The following STKLD1 variants were observed in gnomAD, a reference collection of about 807,000 sequenced individuals.
STKLD1 encodes the protein serine/threonine kinase-like domain-containing protein STKLD1.
STKLD1 carries 79 observed loss-of-function variants against 80.4 expected under a neutral mutation model. The observed-to-expected ratio is 0.98, with a 90% CI of 0.82 to 1.19. The LOEUF is 1.19. Among genes scored for constraint, STKLD1 ranks in the 50% most tolerant of loss-of-function variants. STKLD1 has a pLI of 0.00. For missense variants in STKLD1, 841 were observed against 856.0 expected (o/e 0.98, Z 0.22); for synonymous variants, 393 against 357.6 (o/e 1.10, Z -1.12).
At chr9:133,387,828 G>T (rs1363614155) in intron 5 of STKLD1, 2 of 561,918 alleles carry the variant, frequency 3.6e-6, no homozygotes, top group Non-Finnish European at 6.8e-6. Flanking sequence ...TGTTCTGCCG[G>T]TCCCTGAAGT....
chr9:133,382,702 A>G (rs1838167588), intron 2 of STKLD1, among the ~76,000 whole-genome samples: 1 of 142,894 alleles, frequency 7.0e-6, no homozygotes, highest in Non-Finnish European at 1.5e-5. Context: ...GGTGATGATA[A>G]TAGTGGGGAT....
chr9:133,399,886 A>G (rs1838651489), intron 11 of STKLD1, among the ~76,000 whole-genome samples: 1 of 151,432 alleles, frequency 6.6e-6, no homozygotes, highest in African/African-American at 2.4e-5. Flanking sequence ...TTCAAAAAAA[A>G]AAAAAAAAGA....
intron 10 of STKLD1, 66 bp downstream of exon 10, chr9:133,397,360 TGTTTA>T: frequency 6.3e-7 from 1 of 1,597,740 alleles, no homozygotes; most frequent in Non-Finnish European, 8.5e-7. Context: ...GGCATCCTAT[TGTTTA>T]GTTCCAGAGG....
intron 7 of STKLD1, among the ~76,000 whole-genome samples, chr9:133,392,838 G>A (rs1164563179): frequency 1.1e-5 from 1 of 94,914 alleles, no homozygotes; most frequent in Non-Finnish European, 2.1e-5. Context: ...TGGATAGGAG[G>A]GTGGGTGAGT....
intron 12 of STKLD1, 33 bp downstream of exon 12, chr9:133,400,562 G>A (rs587609518): frequency 2.1e-5 from 32 of 1,546,770 alleles, no homozygotes; most frequent in South Asian, 6.7e-5. Flanking sequence ...TGGGGTCGGG[G>A]AGGCTGTGCG....
chr9:133,377,946 GT>G (rs1424980089), intron 1 of STKLD1, among the ~76,000 whole-genome samples: 1 of 152,144 alleles, frequency 6.6e-6, no homozygotes. Context: ...TCAGGCATTT[GT>G]TTCTCATAAG....
chr9:133,403,618 AG>A (rs756122602), intron 14 of STKLD1, 81 bp from the exon 15 acceptor site: 21 of 1,522,872 alleles, frequency 1.4e-5, no homozygotes, highest in Admixed American at 1.2e-4. Context: ...AGCTGGAGGA[AG>A]GCAGCAGATG....
chr9:133,390,448 G>A lies in STKLD1; in HGVS notation c.468-233G>A, dbSNP rs2130286637. On this transcript the variant is annotated intron_variant, in intron 6 of 17. Transcript: ENST00000371957. The surrounding 1 kb of genome is among the most constrained non-coding windows in gnomAD (Gnocchi z 5.1). ...ACTTGTGGTTGAGGATTTTTCCCCC[G>A]ATTTAAAATAATTGAGTATATTTCT... 0.12 allele frequency among the ~76,000 whole-genome samples: 17,898 copies of A among 152,154 alleles called. 1,383 individuals carry two copies. Among genetic ancestry groups the A allele is most frequent in the African/African-American group, 0.22 (8,989 of 41,464 alleles).
chr9:133,376,626 G>A (rs2130250129), intron 1 of STKLD1, 66 bp downstream of exon 1: 15 of 1,411,812 alleles, frequency 1.1e-5, no homozygotes, highest in Non-Finnish European at 1.4e-5. Flanking sequence ...CTGGAGCTAC[G>A]GCCGGCGGTT....
At chr9:133,383,487 GTGA>G (rs1202455826) in intron 2 of STKLD1, among the ~76,000 whole-genome samples, 4 of 34,596 alleles carry the variant, frequency 1.2e-4, no homozygotes, top group South Asian at 1.5e-3. Context: ...TGGTGTGATG[GTGA>G]TGATGGTGGT....
intron 11 of STKLD1, among the ~76,000 whole-genome samples, chr9:133,399,898 G>C (rs1027894919): frequency 8.6e-5 from 13 of 151,532 alleles, no homozygotes; most frequent in Non-Finnish European, 1.6e-4. Context: ...AAAAAAAGAG[G>C]GGGGGGTCTT....
At position 133,401,820 on chromosome 9, in the gene STKLD1, CGAG is replaced by C. The variant is rs1564384682; in HGVS notation, c.1288_1290del (p.Glu430del). 6.2e-7 allele frequency: 1 copy of C among 1,613,664 alleles called. No individual in the cohort carries two copies. Among genetic ancestry groups the C allele is most frequent in the Non-Finnish European group, 8.5e-7 (1 of 1,180,002 alleles). ...TGCTGAGTGCTCTTCAGAGCCACCC[CGAG>C]GAGGAGCCACTTCTTGTCATGGTCT... is the stretch of plus-strand genomic sequence containing the variant. On this transcript the variant is annotated inframe_deletion, in exon 13 of 18. Transcript: ENST00000371957.
rs1838812590 is a variant in STKLD1, at chr9:133,404,987, TC to T, written c.1873+63del. The T allele has an allele frequency of 3.8e-6, 6 of 1,584,206 alleles. No homozygotes were observed. In the South Asian group the frequency reaches 5.7e-5, roughly 15 times the overall value. ...AGCCCAGCGGTCAGGGGTGCCCCGC[TC>T]CCCCTATAACTGACAGGGAAGGAGC... On this transcript the variant is annotated intron_variant, in intron 17 of 17. Transcript: ENST00000371957.
intron 11 of STKLD1, among the ~76,000 whole-genome samples, chr9:133,399,198 T>G (rs943569785): frequency 6.6e-6 from 1 of 152,186 alleles, no homozygotes; most frequent in Non-Finnish European, 1.5e-5. Context: ...ATAAAATCTT[T>G]CCATTCAACC....
chr9:133,396,957 C>T (rs587629748), intron 9 of STKLD1, among the ~76,000 whole-genome samples: 9 of 152,260 alleles, frequency 5.9e-5, no homozygotes, highest in East Asian at 3.9e-4. Flanking sequence ...CCATGGAGTA[C>T]GTCCCTGGGT....
intron 17 of STKLD1, 113 bp downstream of exon 17, chr9:133,405,042 T>C: frequency 6.8e-7 from 1 of 1,466,146 alleles, no homozygotes; most frequent in East Asian, 2.3e-5. Context: ...ACCCCACTTC[T>C]CGGCCCACTT....
At chr9:133,404,712 C>A in intron 16 of STKLD1, 77 bp from the exon 17 acceptor site, 2 of 1,547,694 alleles carry the variant, frequency 1.3e-6, no homozygotes, top group South Asian at 1.2e-5. Flanking sequence ...GCTCTGGGGT[C>A]CCATCCCGTC....
rs587622019 is a variant in STKLD1, at chr9:133,397,864, T to C, written c.998-108T>C. On this transcript the variant is annotated intron_variant, in intron 10 of 17. Coordinates refer to ENST00000371957, the MANE Select transcript of STKLD1 (RefSeq NM_153710.5). Reference sequence around the variant, plus strand: ...CCCTCTCATCCTGAACCTGTGGATCTGAGGAGGGGATGCACACACAGCAGC... The same window carrying C: ...CCCTCTCATCCTGAACCTGTGGATCCGAGGAGGGGATGCACACACAGCAGC... The C allele has an allele frequency of 1.1e-4, 89 of 811,790 alleles. 1 individual carries two copies. In the South Asian group the frequency reaches 1.5e-3, roughly 14 times the overall value. 50.3% of individuals were successfully genotyped at this position (811,790 alleles called of 1,614,324 possible).
chr9:133,376,687 C>A, intron 1 of STKLD1, 127 bp downstream of exon 1: 1 of 793,914 alleles, frequency 1.3e-6, no homozygotes. Context: ...CGGCCTGCAG[C>A]TCCTAGGTTG....
Sources: allele counts gnomAD v4.1 joint callset (sites outside exome capture counted in the v4.1 genomes callset), GRCh38; gene constraint gnomAD v4.1.1; non-coding constraint Gnocchi (gnomAD v3.1); transcripts MANE v1.5; gene names NCBI Gene and HGNC (gene_info 2026-07-23, HGNC 2026-07-21).